Variants in WWC1 observed in about 807,000 individuals in gnomAD.
The protein encoded by WWC1 is WW and C2 domain containing 1, also known as protein KIBRA.
A neutral mutation model predicts 138.4 loss-of-function variants in WWC1; 55 were observed. The observed-to-expected ratio is 0.40, with a 90% CI of 0.32 to 0.50. The LOEUF is 0.50. WWC1 is among the 20% of genes least tolerant of loss of function. The pLI is 0.72. For missense variants in WWC1, 1,226 were observed against 1,420.4 expected (o/e 0.86, Z 2.20); for synonymous variants, 524 against 564.9 (o/e 0.93, Z 1.03).
chr5:168,367,466 G>C (rs1380541631), intron 1 of WWC1, among the ~76,000 whole-genome samples: 5 of 150,680 alleles, frequency 3.3e-5, no homozygotes, highest in Non-Finnish European at 4.4e-5. Context: ...CGAGTAGCTG[G>C]GACTACAGGC....
intron 6 of WWC1, among the ~76,000 whole-genome samples, chr5:168,407,959 C>G (rs1193409210): frequency 6.6e-6 from 1 of 151,464 alleles, no homozygotes; most frequent in Non-Finnish European, 1.5e-5. Flanking sequence ...AACTCCTGGG[C>G]TCAAGCAATC....
chr5:168,428,692 C>T lies in WWC1; in HGVS notation c.1920-15C>T, dbSNP rs1175199156. On this transcript the variant is annotated splice_polypyrimidine_tract_variant and intron_variant, in intron 12 of 22. Transcript: ENST00000265293. Reference sequence around the variant, plus strand: ...TGTAGGGAAGCCTAACTCCTCCTCCCCTGTTGCCTTTCAGACTGGGTGCTT... The same window carrying T: ...TGTAGGGAAGCCTAACTCCTCCTCCTCTGTTGCCTTTCAGACTGGGTGCTT... The T allele has an allele frequency of 6.2e-7, 1 of 1,613,732 alleles. No homozygotes were observed. Among genetic ancestry groups the T allele is most frequent in the East Asian group, 2.2e-5 (1 of 44,866 alleles).
intron 1 of WWC1, among the ~76,000 whole-genome samples, chr5:168,337,017 C>T (rs560824514): frequency 2.0e-4 from 30 of 152,216 alleles, no homozygotes; most frequent in Middle Eastern, 3.4e-3. Context: ...GTACCATGAC[C>T]GCAGTGAGAA....
In WWC1 at chr5:168,471,222, C is replaced by T. The variant is rs1196166521; in HGVS notation, c.*2205C>T. On this transcript the variant is annotated 3_prime_UTR_variant, in exon 23 of 23. Coordinates refer to ENST00000265293, the MANE Select transcript of WWC1 (RefSeq NM_015238.3). The stretch of plus-strand genomic sequence containing the variant: ...GGAACCTATAGTGGTGTAGAATCTA[C>T]TCTTCTTCCCCCTGTGGCTTCCAGG... 1 of 152,438 alleles carries T rather than the reference C, an allele frequency of 6.6e-6. No individual in the cohort carries two copies. Among genetic ancestry groups the T allele is most frequent in the Non-Finnish European group, 1.5e-5 (1 of 68,286 alleles). 9.4% of individuals were successfully genotyped at this position (152,438 alleles called of 1,614,324 possible).
intron 5 of WWC1, among the ~76,000 whole-genome samples, chr5:168,403,698 A>G (rs192810652): frequency 8.6e-5 from 13 of 151,688 alleles, no homozygotes; most frequent in Admixed American, 2.0e-4. Context: ...GCAGTGCAGC[A>G]CCTCTCTACA....
chr5:168,340,713 C>T (rs1306449200), intron 1 of WWC1, among the ~76,000 whole-genome samples: 1 of 152,204 alleles, frequency 6.6e-6, no homozygotes, highest in Non-Finnish European at 1.5e-5. Context: ...GGATATGCCA[C>T]ATTTTGTTTA....
At chr5:168,367,425 G>A (rs1424361951) in intron 1 of WWC1, among the ~76,000 whole-genome samples, 2 of 151,562 alleles carry the variant, frequency 1.3e-5, no homozygotes, top group African/African-American at 4.8e-5. Flanking sequence ...TCCGCCTCCC[G>A]GGTTCACGCC....
chr5:168,424,123 T>C, intron 11 of WWC1, 55 bp downstream of exon 11: 1 of 1,528,444 alleles, frequency 6.5e-7, no homozygotes, highest in South Asian at 1.3e-5. Context: ...AGAGATACTC[T>C]GTGCTCAGAA....
chr5:168,461,153 A>G (rs1756771243), intron 20 of WWC1, among the ~76,000 whole-genome samples: 1 of 151,962 alleles, frequency 6.6e-6, no homozygotes, highest in Non-Finnish European at 1.5e-5. Context: ...ACACAGTGAA[A>G]CCCCATCTCT....
At chr5:168,418,873 A>G (rs1344091760) in intron 9 of WWC1, among the ~76,000 whole-genome samples, 2 of 152,016 alleles carry the variant, frequency 1.3e-5, no homozygotes, top group Non-Finnish European at 2.9e-5. Context: ...TTTGTTTATT[A>G]CGGGTTCCAT....
At chr5:168,467,777 G>A (rs991913737) in intron 21 of WWC1, 63 bp from the exon 22 acceptor site, 2 of 1,608,880 alleles carry the variant, frequency 1.2e-6, no homozygotes, top group Non-Finnish European at 1.7e-6. Flanking sequence ...GTGATAGCGA[G>A]TTCTCCTTGC....
chr5:168,320,417 T>C (rs1369625809), intron 1 of WWC1, among the ~76,000 whole-genome samples: 1 of 152,144 alleles, frequency 6.6e-6, no homozygotes, highest in African/African-American at 2.4e-5. Context: ...GAACTGATCT[T>C]AGAAGCCAAA....
At chr5:168,462,337 C>T (rs958734035) in intron 20 of WWC1, among the ~76,000 whole-genome samples, 1 of 152,140 alleles carries the variant, frequency 6.6e-6, no homozygotes, top group African/African-American at 2.4e-5. Context: ...ACAGGGACAA[C>T]CAACTGCCCA....
intron 2 of WWC1, among the ~76,000 whole-genome samples, chr5:168,382,452 A>G (rs1281513592): frequency 6.6e-6 from 1 of 152,088 alleles, no homozygotes; most frequent in Non-Finnish European, 1.5e-5. Context: ...TGTACTTTTC[A>G]TTATTTTGTG....
At chr5:168,453,615 G>A (rs536524541) in intron 17 of WWC1, among the ~76,000 whole-genome samples, 93 of 152,096 alleles carry the variant, frequency 6.1e-4, no homozygotes, top group African/African-American at 2.2e-3. Context: ...GCGTGACCTC[G>A]GTTCACTGCA....
intron 20 of WWC1, among the ~76,000 whole-genome samples, chr5:168,463,576 T>G (rs1241133088): frequency 2.0e-5 from 3 of 152,220 alleles, no homozygotes; most frequent in Non-Finnish European, 2.9e-5. Flanking sequence ...AGAAACCATT[T>G]TAGAATTCTG....
intron 1 of WWC1, among the ~76,000 whole-genome samples, chr5:168,312,944 G>A (rs1581890153): frequency 1.3e-5 from 2 of 151,672 alleles, no homozygotes; most frequent in African/African-American, 4.8e-5. Flanking sequence ...GAGTAGCTGG[G>A]ACTACAGGCG....
intron 8 of WWC1, 175 bp downstream of exon 8, chr5:168,410,170 A>T (rs576089390): frequency 2.9e-6 from 2 of 686,508 alleles, no homozygotes; most frequent in Non-Finnish European, 4.9e-6. Context: ...CAGAGAGGAA[A>T]TGACTCACCC....
chr5:168,454,582 C>T (rs1756133104), intron 18 of WWC1, among the ~76,000 whole-genome samples: 1 of 152,214 alleles, frequency 6.6e-6, no homozygotes, highest in African/African-American at 2.4e-5. Context: ...GGTCACATTA[C>T]AGCAGGATTC....
Sources: allele counts gnomAD v4.1 joint callset (sites outside exome capture counted in the v4.1 genomes callset), GRCh38; gene constraint gnomAD v4.1.1; transcripts MANE v1.5; gene names NCBI Gene and HGNC (gene_info 2026-07-23, HGNC 2026-07-21).